The following FSD2 variants were observed in gnomAD, a reference collection of about 807,000 sequenced individuals.
FSD2 encodes fibronectin type III and SPRY domain-containing protein 2.
Under a neutral mutation model 80.4 loss-of-function variants are expected in FSD2, and 71 were observed. That is an observed-to-expected ratio of 0.88 (90% CI 0.73 to 1.08). The LOEUF is 1.08. Ranked by LOEUF, FSD2 falls within the 50% of genes least tolerant of loss-of-function variation. The probability of loss-of-function intolerance (pLI) is 0.00; values close to 1 mark genes in which losing one functional copy is unlikely to be tolerated. For missense variants in FSD2, 923 were observed against 913.8 expected (o/e 1.01, Z -0.13); for synonymous variants, 361 against 329.5 (o/e 1.10, Z -1.03).
intron 1 of FSD2, among the ~76,000 whole-genome samples, chr15:82,794,726 C>CTTTT (rs56731193): frequency 7.4e-6 from 1 of 134,954 alleles, no homozygotes; most frequent in Admixed American, 7.4e-5. Flanking sequence ...TGGCTCTTTT[C>CTTTT]TTTTTTTTTT....
chr15:82,786,069 A>G (rs2049988599), intron 3 of FSD2, among the ~76,000 whole-genome samples: 1 of 152,178 alleles, frequency 6.6e-6, no homozygotes, highest in African/African-American at 2.4e-5. Flanking sequence ...AACAGTATAC[A>G]TTAAAAAAAG....
intron 7 of FSD2, among the ~76,000 whole-genome samples, chr15:82,771,648 G>A (rs1327177794): frequency 6.6e-6 from 1 of 152,198 alleles, no homozygotes; most frequent in East Asian, 1.9e-4. Context: ...CACCCCTCAT[G>A]GGGTCTGCAG....
chr15:82,778,728 G>T, intron 6 of FSD2, 38 bp downstream of exon 6: 1 of 1,562,420 alleles, frequency 6.4e-7, no homozygotes, highest in Non-Finnish European at 8.7e-7. Context: ...GCTCTGGGTA[G>T]TCTGAACCTG....
At chr15:82,777,573 C>T (rs553176558) in intron 6 of FSD2, among the ~76,000 whole-genome samples, 35 of 152,134 alleles carry the variant, frequency 2.3e-4, no homozygotes, top group Non-Finnish European at 4.0e-4. Context: ...AGGCCGACCG[C>T]GGTGGCTCAG....
chr15:82,771,199 C>T (rs182691508), intron 7 of FSD2, among the ~76,000 whole-genome samples: 7 of 152,342 alleles, frequency 4.6e-5, no homozygotes, highest in East Asian at 1.9e-4. Context: ...TGAGGCAGGA[C>T]GCCTACACAC....
At chr15:82,773,426 A>G (rs555217699) in intron 6 of FSD2, among the ~76,000 whole-genome samples, 2 of 152,330 alleles carry the variant, frequency 1.3e-5, no homozygotes, top group South Asian at 4.1e-4. Context: ...TCACCTGGAG[A>G]TGCAGCGTAA....
intron 6 of FSD2, among the ~76,000 whole-genome samples, chr15:82,775,108 AT>A (rs1256515217): frequency 6.6e-6 from 1 of 151,596 alleles, no homozygotes; most frequent in East Asian, 2.0e-4. Flanking sequence ...CAATAAAATC[AT>A]ATAATCCGAC....
At position 82,787,294 on chromosome 15, in the gene FSD2, G is replaced by C; in HGVS notation, c.97C>G (p.Leu33Val). The change falls in exon 2 of 13, where the codon CTG becomes GTG. Residue 33 changes from leucine (L) to valine (V), a missense_variant. Coordinates refer to ENST00000334574, the MANE Select transcript of FSD2 (RefSeq NM_001007122.4). ...HMDLYDSEDR[L>V]HLFPEENTRM... Reference sequence around the variant, plus strand: ...GTGTTCTCTTCTGGAAAGAGGTGCAGTCTGTCTTCAGAGTCATACAGGTCC... The same window carrying C: ...GTGTTCTCTTCTGGAAAGAGGTGCACTCTGTCTTCAGAGTCATACAGGTCC... 6.2e-7 allele frequency: 1 copy of C among 1,613,888 alleles called. No individual in the cohort carries two copies. The highest frequency in any genetic ancestry group is 1.1e-5 in the South Asian group (1 of 91,076).
Position 82,759,310 on chromosome 15 carries a change from G to T in FSD2, c.*38C>A. ...TAAGGCGTGAGCAGCTGCGAGAGGG[G>T]TAGGCATGGAAGACAGGAAACTGGA... is the stretch of plus-strand genomic sequence containing the variant. On this transcript the variant is annotated 3_prime_UTR_variant, in exon 13 of 13. Transcript: ENST00000334574. 6.2e-7 allele frequency: 1 copy of T among 1,603,076 alleles called. No individual in the cohort carries two copies. The highest frequency in any genetic ancestry group is 8.5e-7 in the Non-Finnish European group (1 of 1,175,372).
chr15:82,792,888 T>C (rs1012427168), intron 1 of FSD2, among the ~76,000 whole-genome samples: 3 of 152,146 alleles, frequency 2.0e-5, no homozygotes. Flanking sequence ...TGGCCTGTAG[T>C]TTTGGGGTTT....
At chr15:82,777,832 G>A (rs1776681672) in intron 6 of FSD2, among the ~76,000 whole-genome samples, 1 of 148,018 alleles carries the variant, frequency 6.8e-6, no homozygotes, top group South Asian at 2.1e-4. Context: ...GGGTGACAGA[G>A]CAAGACTCTT....
chr15:82,786,957 T>C lies in FSD2; in HGVS notation c.434A>G (p.Asp145Gly). 6.2e-7 allele frequency: 1 copy of C among 1,614,002 alleles called. No homozygotes were observed. Among genetic ancestry groups the C allele is most frequent in the South Asian group, 1.1e-5 (1 of 91,086 alleles). Reference protein sequence around the residue: ...GGWGSAGQCQDLREAYRYTHG... With the variant: ...GGWGSAGQCQGLREAYRYTHG... ...TGTGTACCTATAGGCTTCCCGCAAG[T>C]CCTGGCACTGGCCTGCTGAGCCCCA... The change falls in exon 2 of 13, where the codon GAC becomes GGC. Residue 145 changes from aspartate to glycine, a missense_variant. Transcript: ENST00000334574.
intron 1 of FSD2, among the ~76,000 whole-genome samples, chr15:82,790,211 A>G (rs1437456898): frequency 7.0e-6 from 1 of 141,994 alleles, no homozygotes; most frequent in Non-Finnish European, 1.6e-5. Context: ...AACAACAACA[A>G]ACAAACAAAC....
Position 82,769,001 on chromosome 15 carries a change from C to G in FSD2, c.1432G>C (p.Glu478Gln). The change falls in exon 9 of 13, where the codon GAG (glutamate) becomes CAG (glutamine). Residue 478 changes from glutamate (E) to glutamine (Q), a missense_variant. Transcript: ENST00000334574. ...ACAGCCTCTTCACAGCTCCTTATCTCTTTGGTTTTAATAATGGGGGGAGAA... is the reference window on the plus strand; with the variant it reads ...ACAGCCTCTTCACAGCTCCTTATCTGTTTGGTTTTAATAATGGGGGGAGAA... ...APSPPIIKTK[E>Q]IRSCEEAVLI... is the part of the protein sequence containing the mutation. The G allele has an allele frequency of 1.3e-6, 2 of 1,595,626 alleles. No homozygotes were observed. The highest frequency in any genetic ancestry group is 1.7e-6 in the Non-Finnish European group (2 of 1,172,566).
chr15:82,777,651 GC>G (rs1316435793), intron 6 of FSD2, among the ~76,000 whole-genome samples: 1 of 152,094 alleles, frequency 6.6e-6, no homozygotes, highest in African/African-American at 2.4e-5. Context: ...TTTGAGACCA[GC>G]CTGGCCAACA....
intron 1 of FSD2, among the ~76,000 whole-genome samples, chr15:82,795,031 T>C (rs2151534523): frequency 6.6e-6 from 1 of 152,280 alleles, no homozygotes; most frequent in Non-Finnish European, 1.5e-5. Flanking sequence ...GCAGATTGGC[T>C]CTTTTCTAAT....
intron 1 of FSD2, among the ~76,000 whole-genome samples, chr15:82,793,116 G>A (rs2050188226): frequency 6.6e-6 from 1 of 151,906 alleles, no homozygotes; most frequent in East Asian, 1.9e-4. Flanking sequence ...TTTTTTTTGA[G>A]ACAGGGTCTC....
chr15:82,805,258 A>G (rs1014938447), intron 1 of FSD2, among the ~76,000 whole-genome samples: 10 of 149,764 alleles, frequency 6.7e-5, no homozygotes, highest in Admixed American at 1.4e-4. Flanking sequence ...CCTTTTATGG[A>G]TCATGGGCAT....
intron 5 of FSD2, among the ~76,000 whole-genome samples, chr15:82,779,107 A>G (rs1359243856): frequency 6.6e-6 from 1 of 151,994 alleles, no homozygotes; most frequent in Non-Finnish European, 1.5e-5. Context: ...GAGGGAGAGG[A>G]GAAAGGGTAA....
Sources: gnomAD v4.1 joint callset for allele counts (sites outside exome capture counted in the v4.1 genomes callset) on GRCh38, gnomAD v4.1.1 for gene constraint, MANE v1.5 for transcripts, NCBI Gene and HGNC (gene_info 2026-07-23, HGNC 2026-07-21) for gene names.